Variants in CACNA1D observed in about 807,000 individuals in gnomAD.
The protein encoded by CACNA1D is voltage-dependent L-type calcium channel subunit alpha-1D.
A neutral mutation model predicts 257.1 loss-of-function variants in CACNA1D; 55 were observed. That is an observed-to-expected ratio of 0.21 (90% CI 0.17 to 0.27). The LOEUF (loss-of-function observed/expected upper bound fraction) is 0.27, where lower values mean the gene tolerates loss of function less well. CACNA1D is among the 10% of genes least tolerant of loss of function. The probability of loss-of-function intolerance (pLI) is 1.00; values close to 1 mark genes in which losing one functional copy is unlikely to be tolerated. For missense variants in CACNA1D, 1,876 were observed against 2,784.0 expected (o/e 0.67, Z 7.34); for synonymous variants, 980 against 1,014.9 (o/e 0.97, Z 0.65).
At chr3:53,760,617 T>C (rs2095295769) in intron 29 of CACNA1D, among the ~76,000 whole-genome samples, 1 of 152,200 alleles carries the variant, frequency 6.6e-6, no homozygotes, top group East Asian at 1.9e-4. Context: ...ACCGGGAGCT[T>C]CCCAGGGGTG....
Position 53,811,570 on chromosome 3 carries a change from G to A in CACNA1D, c.*164G>A. 2 of 621,380 alleles carry A rather than the reference G, an allele frequency of 3.2e-6. No individual in the cohort carries two copies. Among genetic ancestry groups the A allele is most frequent in the Non-Finnish European group, 5.4e-6 (2 of 369,108 alleles). The allele number at this position is 621,380 out of a possible 1,614,324, so 38.5% of individuals were successfully genotyped here. On this transcript the variant is annotated 3_prime_UTR_variant, in exon 48 of 48. Coordinates refer to ENST00000350061, the MANE Select transcript of CACNA1D (RefSeq NM_001128840.3). This position sits in a 1 kb window ranked among gnomAD's most constrained non-coding sequence, Gnocchi z 4.2. ...ATGCCTCAAGAAAGCCATAAACCTG[G>A]TAGGAACAGGTCCCAAGCGGTTGAG...
At chr3:53,799,721 C>T (rs1007160217) in intron 40 of CACNA1D, among the ~76,000 whole-genome samples, 4 of 152,174 alleles carry the variant, frequency 2.6e-5, no homozygotes, top group African/African-American at 4.8e-5. Flanking sequence ...GTCACTCACT[C>T]GTTCCATGGC....
In CACNA1D at chr3:53,810,036, C is replaced by G; in HGVS notation, c.5930C>G (p.Ser1977Trp). ...GCCCAGAAGTACTCACCGAGTCACTCGACCCGGTCGTGGGCCACCCCTCCA... is the reference window on the plus strand; with the variant it reads ...GCCCAGAAGTACTCACCGAGTCACTGGACCCGGTCGTGGGCCACCCCTCCA... ...SKAQKYSPSH[S>W]TRSWATPPAT... Residue 1977 changes from serine (S) to tryptophan (W), a missense_variant, in exon 47 of 48, where the codon TCG becomes TGG. Physicochemically the swap from Ser to Trp is radical, Grantham distance 177 (BLOSUM62 -3). This residue lies in a region of CACNA1D where 491 missense variants were observed against 554.3 expected (regional missense o/e 0.89). Coordinates refer to ENST00000350061, the MANE Select transcript of CACNA1D (RefSeq NM_001128840.3). 1 of 1,613,984 alleles carries G rather than the reference C, an allele frequency of 6.2e-7. No homozygotes were observed. Among genetic ancestry groups the G allele is most frequent in the Non-Finnish European group, 8.5e-7 (1 of 1,179,986 alleles).
chr3:53,576,744 G>A (rs1277756713), intron 3 of CACNA1D, among the ~76,000 whole-genome samples: 2 of 152,136 alleles, frequency 1.3e-5, no homozygotes, highest in African/African-American at 4.8e-5. Flanking sequence ...GGAACGTGGC[G>A]GGCAGTCTGA....
chr3:53,567,146 A>G (rs192534872), intron 3 of CACNA1D, among the ~76,000 whole-genome samples: 2 of 152,288 alleles, frequency 1.3e-5, no homozygotes, highest in East Asian at 3.9e-4. Context: ...TCACTGCAGG[A>G]TCTCCCGTGG....
At chr3:53,696,563 T>C (rs1364380122) in intron 8 of CACNA1D, among the ~76,000 whole-genome samples, 1 of 152,164 alleles carries the variant, frequency 6.6e-6, no homozygotes, top group Non-Finnish European at 1.5e-5. Context: ...GTTTTGGTGC[T>C]CAATGAGTAG....
intron 8 of CACNA1D, among the ~76,000 whole-genome samples, chr3:53,701,662 C>T (rs987459027): frequency 6.6e-6 from 1 of 152,244 alleles, no homozygotes; most frequent in Non-Finnish European, 1.5e-5. Context: ...TACTAAGTCT[C>T]TAACTCACAT....
rs746739986 is a variant in CACNA1D, at chr3:53,723,855, G to A, written c.1956G>A (p.Ser652=). 15 of 1,614,014 alleles carry A rather than the reference G, an allele frequency of 9.3e-6. No individual in the cohort carries two copies. The highest frequency in any genetic ancestry group is 5.3e-5 in the African/African-American group (4 of 74,906). Residue 652 remains serine, a synonymous_variant, in exon 14 of 48, where the codon TCG becomes TCA. Transcript: ENST00000350061. This position sits in a 1 kb window ranked among gnomAD's most constrained non-coding sequence, Gnocchi z 5.6. The part of the protein sequence containing the change: ...SLLNSMKSIA[S]LLLLLFLFII... ...TAAACTCCATGAAGTCCATCGCTTC[G>A]CTGTTGCTTCTGCTTTTTCTCTTCA...
Position 53,579,690 on chromosome 3 carries a change from C to T in CACNA1D, c.484-71089C>T, listed in dbSNP as rs191809214. ...TCTGAACTGAACTTAGGGTCTCAACCAGCTGCAGACCAGTTACATCTTAGC... is the reference window on the plus strand; with the variant it reads ...TCTGAACTGAACTTAGGGTCTCAACTAGCTGCAGACCAGTTACATCTTAGC... On this transcript the variant is annotated intron_variant, in intron 3 of 47. Coordinates refer to ENST00000350061, the MANE Select transcript of CACNA1D (RefSeq NM_001128840.3). Among the ~76,000 whole-genome samples, 156 of 152,342 alleles carry T rather than the reference C, an allele frequency of 1.0e-3. 1 individual carries two copies. Among genetic ancestry groups the T allele is most frequent in the Non-Finnish European group, 1.7e-3 (113 of 68,022 alleles).
chr3:53,511,034 C>A (rs1316460031), intron 3 of CACNA1D, among the ~76,000 whole-genome samples: 1 of 152,168 alleles, frequency 6.6e-6, no homozygotes, highest in Non-Finnish European at 1.5e-5. Flanking sequence ...CGTTTGCTTG[C>A]TACGGACTGG....
intron 40 of CACNA1D, among the ~76,000 whole-genome samples, chr3:53,797,040 A>G (rs990272979): frequency 2.0e-5 from 3 of 152,174 alleles, no homozygotes; most frequent in Non-Finnish European, 4.4e-5. Flanking sequence ...AGAATAGATA[A>G]TTTTACTGTT....
intron 3 of CACNA1D, among the ~76,000 whole-genome samples, chr3:53,573,278 G>T (rs571673657): frequency 6.6e-6 from 1 of 152,090 alleles, no homozygotes; most frequent in Non-Finnish European, 1.5e-5. Flanking sequence ...TTGCACCCCC[G>T]TAGGAGCGTC....
Position 53,682,336 on chromosome 3 carries a change from T to C in CACNA1D, c.1220+9210T>C, listed in dbSNP as rs1429567228. 1.4e-4 allele frequency among the ~76,000 whole-genome samples: 16 copies of C among 115,284 alleles called. No homozygotes were observed. The East Asian group carries it at 4.3e-3, about 31-fold the overall frequency. 75.6% of individuals were successfully genotyped at this position (115,284 alleles called of 152,430 possible). On this transcript the variant is annotated intron_variant, in intron 8 of 47. Transcript: ENST00000350061. Reference sequence around the variant, plus strand: ...TGAGGCCGGGAGTTTGAAACCAGCCTGGGCGACATAGCGAGGCTTTGTCTC... The same window carrying C: ...TGAGGCCGGGAGTTTGAAACCAGCCCGGGCGACATAGCGAGGCTTTGTCTC...
chr3:53,502,033 A>G (rs2090625162), intron 3 of CACNA1D, among the ~76,000 whole-genome samples: 3 of 151,548 alleles, frequency 2.0e-5, no homozygotes, highest in Non-Finnish European at 2.9e-5. Context: ...TTTCCTGATA[A>G]TATTAGCTTT....
At chr3:53,708,435 G>C (rs1367305118) in intron 9 of CACNA1D, among the ~76,000 whole-genome samples, 1 of 152,218 alleles carries the variant, frequency 6.6e-6, no homozygotes, top group Non-Finnish European at 1.5e-5. Flanking sequence ...TCAGGGGCTG[G>C]CCCTAGGGTC....
Position 53,762,082 on chromosome 3 carries a change from G to T in CACNA1D, c.3870+1G>T. Reference sequence around the variant, plus strand: ...AGACGTGGCCCTCAGCGAAGCAGACGTGAGTATGCACCTGGCGTGGCCGCC... The same window carrying T: ...AGACGTGGCCCTCAGCGAAGCAGACTTGAGTATGCACCTGGCGTGGCCGCC... On this transcript the variant is annotated splice_donor_variant, in intron 30 of 47. Coordinates refer to ENST00000350061, the MANE Select transcript of CACNA1D (RefSeq NM_001128840.3). LOFTEE classifies it high-confidence loss of function. The T allele has an allele frequency of 1.2e-6, 2 of 1,602,192 alleles. No individual in the cohort carries two copies. Among genetic ancestry groups the T allele is most frequent in the Non-Finnish European group, 1.7e-6 (2 of 1,169,178 alleles).
intron 39 of CACNA1D, among the ~76,000 whole-genome samples, chr3:53,785,022 G>A (rs1270365171): frequency 6.6e-6 from 1 of 152,146 alleles, no homozygotes; most frequent in Admixed American, 6.5e-5. Context: ...TCAGAGTTGT[G>A]AAGAGGCCAT....
chr3:53,625,682 T>C (rs972688706), intron 3 of CACNA1D, among the ~76,000 whole-genome samples: 2 of 152,240 alleles, frequency 1.3e-5, no homozygotes, highest in African/African-American at 4.8e-5. Flanking sequence ...GCCCTTGCTG[T>C]GTTGGGAATA....
At chr3:53,580,799 C>A in intron 3 of CACNA1D, among the ~76,000 whole-genome samples, 1 of 152,192 alleles carries the variant, frequency 6.6e-6, no homozygotes, top group Admixed American at 6.5e-5. Context: ...CTTAAAGTAG[C>A]CATGTATGTC....
Sources: allele counts gnomAD v4.1 joint callset (sites outside exome capture counted in the v4.1 genomes callset), GRCh38; gene constraint gnomAD v4.1.1; regional missense constraint gnomAD v4.1.1; non-coding constraint Gnocchi (gnomAD v3.1); transcripts MANE v1.5; gene names NCBI Gene and HGNC (gene_info 2026-07-23, HGNC 2026-07-21).